IQSEC2: variants seen among roughly 807,000 people sequenced by gnomAD.
IQSEC2 encodes the protein IQ motif and SEC7 domain-containing protein 2.
Under a neutral mutation model 74.6 loss-of-function variants are expected in IQSEC2, and 6 were observed. That is an observed-to-expected ratio of 0.08 (90% confidence interval 0.04 to 0.16). The LOEUF (loss-of-function observed/expected upper bound fraction) is 0.16, where lower values mean the gene tolerates loss of function less well. IQSEC2 is among the 10% of genes least tolerant of loss of function. The pLI, the probability that IQSEC2 is intolerant of heterozygous loss-of-function variation, is 1.00. For missense variants in IQSEC2, 734 were observed against 1,306.2 expected, an observed-to-expected ratio of 0.56 and a Z score of 6.75; for synonymous variants, 494 against 544.5, an observed-to-expected ratio of 0.91 and a Z score of 1.29.
chrX:53,234,136 A>T lies in IQSEC2; in HGVS notation c.*83T>A. 5.2e-6 allele frequency: 2 copies of T among 386,618 alleles called. No individual in the cohort carries two copies. The highest frequency in any genetic ancestry group is 9.1e-5 in the East Asian group (2 of 21,920). 31.9% of individuals were successfully genotyped at this position (386,618 alleles called of 1,213,427 possible). A position where few individuals can be genotyped will look rare whatever the true frequency, so the allele number is the denominator to read the frequency against. On this transcript the variant is annotated 3_prime_UTR_variant, in exon 15 of 15. Coordinates refer to ENST00000642864, the MANE Select transcript of IQSEC2 (RefSeq NM_001111125.3). ...CTATGTGTATATATATTTTTGAAAA[A>T]ACCGAGGAAGCAAAGAGGGTGCAAG...
intron 1 of IQSEC2, among the ~76,000 whole-genome samples, chrX:53,292,582 C>T (rs782661820): frequency 8.9e-6 from 1 of 111,945 alleles, no homozygotes; most frequent in African/African-American, 3.2e-5. Flanking sequence ...CCGCTGGGCT[C>T]CTTTCTACTA....
At chrX:53,310,337 T>G (rs1432632545) in intron 1 of IQSEC2, among the ~76,000 whole-genome samples, 2 of 110,565 alleles carry the variant, frequency 1.8e-5, no homozygotes, top group African/African-American at 6.6e-5. Flanking sequence ...TGAGCTGTGA[T>G]CGCACCACTG....
chrX:53,229,649 C>T (rs1269959911), downstream of IQSEC2: 3 of 110,457 alleles, frequency 2.7e-5, no homozygotes, highest in African/African-American at 9.9e-5. Flanking sequence ...CTGCAGTGAG[C>T]TATGATCGCA....
chrX:53,279,678 C>CAG, intron 2 of IQSEC2: 1 of 956,492 alleles, frequency 1.0e-6, no homozygotes, highest in South Asian at 2.0e-5. Context: ...CAGCAAGAGA[C>CAG]AGAGAGAGAC....
At chrX:53,283,156 C>T (rs1569323846) in intron 2 of IQSEC2, among the ~76,000 whole-genome samples, 1 of 112,410 alleles carries the variant, frequency 8.9e-6, no homozygotes, top group Non-Finnish European at 1.9e-5. Flanking sequence ...GCGGAGGTTG[C>T]AGTGAGCTGA....
chrX:53,253,222 A>T lies in IQSEC2; in HGVS notation c.1401+1308T>A, dbSNP rs1208269284. ...CTTCTTGGTTTTAGGAAGAAAACTAACGTACTTAGCAGCTACTACGTGCTA... is the reference window on the plus strand; with the variant it reads ...CTTCTTGGTTTTAGGAAGAAAACTATCGTACTTAGCAGCTACTACGTGCTA... On this transcript the variant is annotated intron_variant, in intron 4 of 14. Coordinates refer to ENST00000642864, the MANE Select transcript of IQSEC2 (RefSeq NM_001111125.3). Among the ~76,000 whole-genome samples, 3 of 112,293 alleles carry T rather than the reference A, an allele frequency of 2.7e-5. No individual in the cohort carries two copies. In the East Asian group the frequency reaches 8.4e-4, roughly 31 times the overall value.
chrX:53,240,708 T>C (rs1253093496), intron 10 of IQSEC2, among the ~76,000 whole-genome samples: 2 of 110,290 alleles, frequency 1.8e-5, no homozygotes, highest in Non-Finnish European at 3.8e-5. Flanking sequence ...GTCCTAAGAG[T>C]CCCATCCCTA....
intron 13 of IQSEC2, 143 bp from the exon 14 acceptor site, chrX:53,235,975 G>A: frequency 7.2e-6 from 4 of 558,734 alleles, no homozygotes; most frequent in South Asian, 3.1e-5. Context: ...AGGGGGAGGC[G>A]GGGAGGAGGA....
chrX:53,295,876 T>C (rs138795373), intron 1 of IQSEC2, among the ~76,000 whole-genome samples: 1 of 110,413 alleles, frequency 9.1e-6, no homozygotes, highest in Admixed American at 9.7e-5. Flanking sequence ...AAGAAGCTTG[T>C]CCCTGAAAGC....
chrX:53,242,892 C>T (rs368762984), intron 9 of IQSEC2, among the ~76,000 whole-genome samples: 2 of 111,400 alleles, frequency 1.8e-5, no homozygotes, highest in Non-Finnish European at 3.8e-5. Flanking sequence ...TGCACCATCA[C>T]GCCCGCAGCT....
intron 2 of IQSEC2, among the ~76,000 whole-genome samples, chrX:53,287,059 C>T (rs912195532): frequency 1.8e-5 from 2 of 110,878 alleles, no homozygotes; most frequent in African/African-American, 6.6e-5. Context: ...ATGCAGACAG[C>T]GAGACAGCAA....
At chrX:53,239,094 G>A (rs1387878755) in intron 11 of IQSEC2, 101 bp downstream of exon 11, 3 of 638,104 alleles carry the variant, frequency 4.7e-6, no homozygotes, top group East Asian at 3.3e-5. Context: ...CCCTTAGTCC[G>A]GTTGTAAGGG....
chrX:53,281,497 T>G, intron 2 of IQSEC2: 1 of 1,130,391 alleles, frequency 8.8e-7, no homozygotes, highest in South Asian at 1.9e-5. Flanking sequence ...GGTTCCTACC[T>G]GCTGCTCCTC....
chrX:53,227,746 A>G (rs1338564900), downstream of IQSEC2: 1 of 227,256 alleles, frequency 4.4e-6, no homozygotes, highest in African/African-American at 2.9e-5. Flanking sequence ...CTTTCCATCT[A>G]GAGGCTCAAG....
chrX:53,292,874 C>T (rs1407760411), intron 1 of IQSEC2, among the ~76,000 whole-genome samples: 2 of 111,507 alleles, frequency 1.8e-5, no homozygotes, highest in Admixed American at 9.5e-5. Context: ...AGGGAAGGGG[C>T]AGAGGAGGAC....
Position 53,320,532 on chromosome X carries a change from G to A in IQSEC2, c.592C>T (p.Pro198Ser), listed in dbSNP as rs1026418188. The A allele has an allele frequency of 2.9e-5, 34 of 1,156,215 alleles. No homozygotes were observed. The highest frequency in any genetic ancestry group is 3.8e-5 in the Non-Finnish European group (33 of 868,334). Residue 198 changes from proline (P) to serine (S), a missense_variant, in exon 1 of 15, where the codon CCA becomes TCA. By Grantham distance (74) the Pro-to-Ser change is moderately conservative. This residue lies in a region of IQSEC2 where 134 missense variants were observed against 214.9 expected (regional missense o/e 0.62). Coordinates refer to ENST00000642864, the MANE Select transcript of IQSEC2 (RefSeq NM_001111125.3). Reference sequence around the variant, plus strand: ...CTCAGCTGGCCCCGCTCCCGCGGTGGCCGCGGCCCCACGCCCACCGCCGCC... The same window carrying A: ...CTCAGCTGGCCCCGCTCCCGCGGTGACCGCGGCCCCACGCCCACCGCCGCC... ...YSAAVGVGPRPPRERGQLSRG... is the reference protein window; with the variant it reads ...YSAAVGVGPRSPRERGQLSRG...
At position 53,233,484 on chromosome X, in the gene IQSEC2, C is replaced by T. The variant is rs182469318; in HGVS notation, c.*735G>A. ...TTCTCATCCCAGACCTGAGCCCCCCCCAAAACCTGTCTGGACTTTGATCAG... is the reference window on the plus strand; with the variant it reads ...TTCTCATCCCAGACCTGAGCCCCCCTCAAAACCTGTCTGGACTTTGATCAG... On this transcript the variant is annotated 3_prime_UTR_variant, in exon 15 of 15. Coordinates refer to ENST00000642864, the MANE Select transcript of IQSEC2 (RefSeq NM_001111125.3). 8.2e-6 allele frequency: 1 copy of T among 122,043 alleles called. No homozygotes were observed. Among genetic ancestry groups the T allele is most frequent in the Admixed American group, 9.1e-5 (1 of 10,961 alleles). 10.1% of individuals were successfully genotyped at this position (122,043 alleles called of 1,213,427 possible). A position where few individuals can be genotyped will look rare whatever the true frequency, so the allele number is the denominator to read the frequency against.
chrX:53,320,733 G>A lies in IQSEC2; in HGVS notation c.391C>T (p.Arg131Trp). 3 of 1,167,531 alleles carry A rather than the reference G, an allele frequency of 2.6e-6. No homozygotes were observed. The South Asian group carries it at 5.7e-5, about 22-fold the overall frequency. The change falls in exon 1 of 15, where the codon CGG becomes TGG. Residue 131 changes from arginine (R) to tryptophan (W), a missense_variant. Coordinates refer to ENST00000642864, the MANE Select transcript of IQSEC2 (RefSeq NM_001111125.3). ...TAGGAGGCGTCCCGCTCCTTGTCCCGATACACAGCCTCCCGATTCTGGTAG... is the reference window on the plus strand; with the variant it reads ...TAGGAGGCGTCCCGCTCCTTGTCCCAATACACAGCCTCCCGATTCTGGTAG... ...GAYQNREAVY[R>W]DKERDASYPL... is the part of the protein sequence containing the mutation.
At chrX:53,279,763 G>A (rs1774526078) in intron 2 of IQSEC2, 6 of 521,930 alleles carry the variant, frequency 1.1e-5, no homozygotes, top group South Asian at 7.6e-5. Context: ...AGTGCGGGAG[G>A]GGAAAAGGGA....
Sources: allele counts gnomAD v4.1 joint callset (sites outside exome capture counted in the v4.1 genomes callset), GRCh38; gene constraint gnomAD v4.1.1; regional missense constraint gnomAD v4.1.1; transcripts MANE v1.5; gene names NCBI Gene and HGNC (gene_info 2026-07-23, HGNC 2026-07-21).